The following GAB2 variants were observed in gnomAD, a reference collection of about 807,000 sequenced individuals.
GAB2 encodes the protein GRB2-associated-binding protein 2.
Under a neutral mutation model 65.5 loss-of-function variants are expected in GAB2, and 26 were observed. That is an observed-to-expected ratio of 0.40 (90% confidence interval 0.29 to 0.55). GAB2 has a LOEUF of 0.55. Ranked by LOEUF, GAB2 falls within the 20% of genes least tolerant of loss-of-function variation. The probability of loss-of-function intolerance (pLI) is 0.53; values close to 1 mark genes in which losing one functional copy is unlikely to be tolerated. For synonymous variants in GAB2, 321 were observed against 329.6 expected (o/e 0.97, Z 0.28); for missense variants, 884 against 875.8 (o/e 1.01, Z -0.12).
rs140970931 is a variant in GAB2 at position 78,312,960 on chromosome 11, T to TTGTG, written c.76-32063_76-32060dup. On this transcript the variant is annotated intron_variant, in intron 1 of 9. Coordinates refer to ENST00000361507, the MANE Select transcript of GAB2 (RefSeq NM_080491.3). ...GAAACGGGAACTAAAAAATATGTGT[T>TTGTG]TGTGTGTGTGTGTAATATAAAACAT... 7.8e-3 allele frequency among the ~76,000 whole-genome samples: 1,185 copies of TTGTG among 151,856 alleles called. 16 individuals are homozygous for TTGTG. The highest frequency in any genetic ancestry group is 0.027 in the African/African-American group (1,122 of 41,414).
In GAB2 at chr11:78,280,667, C is replaced by T. The variant is rs1182417831; in HGVS notation, c.310G>A (p.Asp104Asn). The stretch of plus-strand genomic sequence containing the variant: ...ATGCTCTGGACCCACTTATTCATGT[C>T]CTCTTCTGTCTCAGCCACCAGGTAA... Reference protein sequence around the residue: ...TFYLVAETEEDMNKWVQSICQ... With the variant: ...TFYLVAETEENMNKWVQSICQ... The change falls in exon 2 of 10, where the codon GAC becomes AAC. Residue 104 changes from aspartate (D) to asparagine (N), a missense_variant. By Grantham distance (23) the Asp-to-Asn change is conservative. Coordinates refer to ENST00000361507, the MANE Select transcript of GAB2 (RefSeq NM_080491.3). 1 of 1,614,036 alleles carries T rather than the reference C, an allele frequency of 6.2e-7. No individual in the cohort carries two copies. Among genetic ancestry groups the T allele is most frequent in the Non-Finnish European group, 8.5e-7 (1 of 1,180,000 alleles).
chr11:78,219,554 G>A (rs1864314525), intron 9 of GAB2, 139 bp from the exon 10 acceptor site: 2 of 737,388 alleles, frequency 2.7e-6, no homozygotes, highest in Non-Finnish European at 2.3e-6. Flanking sequence ...CCAGCCTCAG[G>A]AGCCTGGCTT....
chr11:78,395,406 AT>A (rs1372829707), intron 1 of GAB2, among the ~76,000 whole-genome samples: 2 of 152,364 alleles, frequency 1.3e-5, no homozygotes, highest in East Asian at 3.9e-4. Context: ...GTGAGCTCAG[AT>A]CATGCCACTG....
intron 2 of GAB2, among the ~76,000 whole-genome samples, chr11:78,277,753 C>A (rs556278255): frequency 1.6e-3 from 237 of 152,342 alleles, no homozygotes; most frequent in Middle Eastern, 3.4e-3. Context: ...GACACAACCC[C>A]CTGGAAGCAT....
intron 2 of GAB2, among the ~76,000 whole-genome samples, chr11:78,265,269 C>T (rs1043041704): frequency 1.3e-5 from 2 of 150,242 alleles, no homozygotes; most frequent in East Asian, 2.0e-4. Context: ...TGATCACCAC[C>T]ATAACCATCA....
intron 1 of GAB2, among the ~76,000 whole-genome samples, chr11:78,415,796 G>C (rs1015391470): frequency 3.3e-5 from 5 of 152,204 alleles, no homozygotes; most frequent in Non-Finnish European, 7.3e-5. Flanking sequence ...AAACACCCAA[G>C]AAATGGGTCA....
At chr11:78,365,901 T>A (rs1416823582) in intron 1 of GAB2, among the ~76,000 whole-genome samples, 2 of 152,214 alleles carry the variant, frequency 1.3e-5, no homozygotes, top group East Asian at 3.9e-4. Flanking sequence ...GGCATCAGAA[T>A]TTCGTGAATA....
At chr11:78,369,305 G>C (rs73500988) in intron 1 of GAB2, among the ~76,000 whole-genome samples, 4,244 of 152,250 alleles carry the variant, frequency 0.028, 168 homozygotes, top group African/African-American at 0.09. Context: ...AACTGGGTTA[G>C]TTTACAGTGT....
At chr11:78,242,343 A>C (rs1198030043) in intron 3 of GAB2, among the ~76,000 whole-genome samples, 1 of 152,176 alleles carries the variant, frequency 6.6e-6, no homozygotes, top group Non-Finnish European at 1.5e-5. Context: ...TCTACTAAAA[A>C]TACAAAAAAT....
chr11:78,372,800 G>GTC (rs1856588639), intron 1 of GAB2, among the ~76,000 whole-genome samples: 1 of 152,018 alleles, frequency 6.6e-6, no homozygotes. Context: ...TTGCTCAAGG[G>GTC]TCTCTCATTC....
At chr11:78,350,792 A>C (rs1856265375) in intron 1 of GAB2, among the ~76,000 whole-genome samples, 1 of 152,196 alleles carries the variant, frequency 6.6e-6, no homozygotes, top group Admixed American at 6.5e-5. Context: ...AGAATTCACC[A>C]CAGGAACATG....
intron 1 of GAB2, among the ~76,000 whole-genome samples, chr11:78,387,144 C>T (rs1856778579): frequency 6.6e-6 from 1 of 152,202 alleles, no homozygotes; most frequent in Admixed American, 6.5e-5. Context: ...TAGGCTGAAG[C>T]AGTCCTTCTA....
chr11:78,358,898 A>G, intron 1 of GAB2, among the ~76,000 whole-genome samples: 1 of 152,208 alleles, frequency 6.6e-6, no homozygotes, highest in South Asian at 2.1e-4. Context: ...GAGAGTATAA[A>G]AAAGAACTAA....
intron 2 of GAB2, among the ~76,000 whole-genome samples, chr11:78,271,635 C>A (rs2134567004): frequency 6.6e-6 from 1 of 152,278 alleles, no homozygotes; most frequent in East Asian, 1.9e-4. Flanking sequence ...TCTCCATCTG[C>A]CACAAACCTC....
At chr11:78,384,968 C>T (rs892236276) in intron 1 of GAB2, among the ~76,000 whole-genome samples, 7 of 152,142 alleles carry the variant, frequency 4.6e-5, no homozygotes, top group Non-Finnish European at 1.0e-4. Context: ...TTATTAGGTC[C>T]TCTTGAGAAG....
At chr11:78,333,448 T>C (rs1336532375) in intron 1 of GAB2, among the ~76,000 whole-genome samples, 1 of 152,062 alleles carries the variant, frequency 6.6e-6, no homozygotes, top group Non-Finnish European at 1.5e-5. Flanking sequence ...ACAATTTTTA[T>C]AGAGGTGGGG....
At chr11:78,254,045 C>CA (rs1565127762) in intron 2 of GAB2, among the ~76,000 whole-genome samples, 1 of 152,186 alleles carries the variant, frequency 6.6e-6, no homozygotes, top group African/African-American at 2.4e-5. Context: ...TCCTTGAGCT[C>CA]AGCCTGTGGA....
intron 1 of GAB2, among the ~76,000 whole-genome samples, chr11:78,415,949 T>A (rs1003514309): frequency 6.6e-6 from 1 of 151,948 alleles, no homozygotes; most frequent in Admixed American, 6.5e-5. Context: ...CTTTTTTTTT[T>A]TTTTTTTTTA....
intron 1 of GAB2, among the ~76,000 whole-genome samples, chr11:78,296,148 G>C (rs1476980725): frequency 6.6e-6 from 1 of 152,148 alleles, no homozygotes; most frequent in African/African-American, 2.4e-5. Flanking sequence ...CTGATGGGAG[G>C]TGGAGCTTAG....
Sources: gnomAD v4.1 joint callset for allele counts (sites outside exome capture counted in the v4.1 genomes callset) on GRCh38, gnomAD v4.1.1 for gene constraint, MANE v1.5 for transcripts, NCBI Gene and HGNC (gene_info 2026-07-23, HGNC 2026-07-21) for gene names.